LRRN2: variants seen among roughly 807,000 people sequenced by gnomAD.
LRRN2 encodes the protein leucine-rich repeat neuronal protein 2.
LRRN2 carries 10 observed loss-of-function variants against 35.7 expected under a neutral mutation model. The observed-to-expected ratio is 0.28, with a 90% CI of 0.17 to 0.47. The LOEUF (loss-of-function observed/expected upper bound fraction) is 0.47. LRRN2 is among the 20% of genes least tolerant of loss of function. The pLI, the probability that LRRN2 is intolerant of heterozygous loss-of-function variation, is 0.99. For missense variants in LRRN2, 731 were observed against 940.3 expected (o/e 0.78, Z 2.91); for synonymous variants, 391 against 409.6 (o/e 0.95, Z 0.55).
intron 1 of LRRN2, chr1:204,626,859 G>A (rs925333447): frequency 1.3e-5 from 2 of 152,150 alleles, no homozygotes; most frequent in African/African-American, 4.8e-5. Flanking sequence ...ATTGTATGCG[G>A]CCAGACTAAG....
chr1:204,653,333 C>T (rs1668274355), intron 1 of LRRN2, among the ~76,000 whole-genome samples: 4 of 152,280 alleles, frequency 2.6e-5, no homozygotes, highest in South Asian at 4.1e-4. Flanking sequence ...GTTGGGAAAC[C>T]GTGAAGGAAG....
rs190984634 is a variant in LRRN2, at chr1:204,628,709, T to G, written c.-226-8491A>C. On this transcript the variant is annotated intron_variant, in intron 1 of 1. Transcript: ENST00000367177. ...GAGCTGCCCTGTCCGATGTCAACTA[T>G]AAGCACTCCCTGCAGTCTCCAACCG... The G allele has an allele frequency of 3.3e-5, 5 of 152,326 alleles. No homozygotes were observed. The East Asian group carries it at 7.7e-4, about 24-fold the overall frequency. 9.4% of individuals were successfully genotyped at this position (152,326 alleles called of 1,614,324 possible).
At chr1:204,652,326 C>T (rs1471695866) in intron 1 of LRRN2, among the ~76,000 whole-genome samples, 1 of 143,788 alleles carries the variant, frequency 7.0e-6, no homozygotes, top group Non-Finnish European at 1.5e-5. Context: ...GGCGCCTTGA[C>T]ATTAACCCAC....
chr1:204,660,579 ACTCT>A (rs112179063), intron 1 of LRRN2, among the ~76,000 whole-genome samples: 4,364 of 95,112 alleles, frequency 0.046, 64 homozygotes, highest in Non-Finnish European at 0.069. Flanking sequence ...ACACACACAC[ACTCT>A]CTCTCTCTCT....
chr1:204,635,858 G>GTT (rs1667820736), intron 1 of LRRN2, among the ~76,000 whole-genome samples: 1 of 152,218 alleles, frequency 6.6e-6, no homozygotes. Context: ...TTCCTGCCGT[G>GTT]TAACAACCAA....
At chr1:204,657,194 A>G (rs1482457860) in intron 1 of LRRN2, among the ~76,000 whole-genome samples, 1 of 152,086 alleles carries the variant, frequency 6.6e-6, no homozygotes, top group Non-Finnish European at 1.5e-5. Context: ...AATCCCAGCT[A>G]CTTGGGAGGC....
intron 1 of LRRN2, among the ~76,000 whole-genome samples, chr1:204,668,519 C>T (rs1354858432): frequency 6.6e-6 from 1 of 152,070 alleles, no homozygotes; most frequent in Non-Finnish European, 1.5e-5. Context: ...CACTTGAACC[C>T]GGGAGGCAGA....
chr1:204,631,488 A>T (rs952965089), intron 1 of LRRN2, among the ~76,000 whole-genome samples: 2 of 150,392 alleles, frequency 1.3e-5, no homozygotes, highest in Non-Finnish European at 3.0e-5. Context: ...GGGGATTCAC[A>T]GGTTAAAAAG....
intron 1 of LRRN2, among the ~76,000 whole-genome samples, chr1:204,679,758 G>A (rs536203990): frequency 6.6e-6 from 1 of 152,348 alleles, no homozygotes; most frequent in Non-Finnish European, 1.5e-5. Context: ...GTGTCCATGG[G>A]CACTGACTCT....
At chr1:204,652,257 A>ACCCCCCCCCCC (rs1668245006) in intron 1 of LRRN2, among the ~76,000 whole-genome samples, 2 of 10,876 alleles carry the variant, frequency 1.8e-4, no homozygotes, top group Non-Finnish European at 1.9e-4. Context: ...TCTCCTCTTC[A>ACCCCCCCCCCC]CCGCCCCCCC....
In LRRN2 at chr1:204,617,220, A is replaced by AT. The variant is rs1391329435; in HGVS notation, c.*630dup. ...CGTATTATTGTTATTATTTATTTTTATTTTTTACAAAACAGGAGAAAAGAG... is the reference window on the plus strand; with the variant it reads ...CGTATTATTGTTATTATTTATTTTTATTTTTTTACAAAACAGGAGAAAAGAG... On this transcript the variant is annotated 3_prime_UTR_variant, in exon 2 of 2. Coordinates refer to ENST00000367177, the MANE Select transcript of LRRN2 (RefSeq NM_201630.2). 6.6e-6 allele frequency: 1 copy of AT among 152,362 alleles called. No individual in the cohort carries two copies. Among genetic ancestry groups the AT allele is most frequent in the African/African-American group, 2.4e-5 (1 of 41,364 alleles). 9.4% of individuals were successfully genotyped at this position (152,362 alleles called of 1,614,324 possible). A position where few individuals can be genotyped will look rare whatever the true frequency, so the allele number is the denominator to read the frequency against.
chr1:204,638,317 G>A (rs1037268638), intron 1 of LRRN2, among the ~76,000 whole-genome samples: 5 of 150,888 alleles, frequency 3.3e-5, no homozygotes, highest in African/African-American at 4.9e-5. Flanking sequence ...CCCCCGCACC[G>A]TTGGAGTCAG....
intron 1 of LRRN2, among the ~76,000 whole-genome samples, chr1:204,658,748 A>G (rs1454898988): frequency 6.6e-6 from 1 of 152,060 alleles, no homozygotes; most frequent in Admixed American, 6.5e-5. Flanking sequence ...TTCTTTCTCT[A>G]TCAAGCCAAG....
chr1:204,625,709 G>A (rs1667293920), intron 1 of LRRN2, among the ~76,000 whole-genome samples: 1 of 152,148 alleles, frequency 6.6e-6, no homozygotes, highest in Non-Finnish European at 1.5e-5. Flanking sequence ...CCTTTTCCAT[G>A]ACAAGTTGGG....
chr1:204,641,345 G>T (rs995007709), intron 1 of LRRN2, among the ~76,000 whole-genome samples: 9 of 152,142 alleles, frequency 5.9e-5, no homozygotes, highest in African/African-American at 2.2e-4. Flanking sequence ...ACTATGGCAT[G>T]CGGATTCCCA....
At chr1:204,635,088 C>T (rs1328394143) in intron 1 of LRRN2, among the ~76,000 whole-genome samples, 1 of 152,188 alleles carries the variant, frequency 6.6e-6, no homozygotes, top group Non-Finnish European at 1.5e-5. Flanking sequence ...TTCCTGCCTA[C>T]TCACAGGACC....
chr1:204,661,289 C>T (rs539261425), intron 1 of LRRN2, among the ~76,000 whole-genome samples: 1 of 152,062 alleles, frequency 6.6e-6, no homozygotes, highest in Non-Finnish European at 1.5e-5. Context: ...TGTAAGAGAG[C>T]CTTTTAGGGG....
chr1:204,679,786 G>A (rs1315630280), intron 1 of LRRN2, among the ~76,000 whole-genome samples: 2 of 152,208 alleles, frequency 1.3e-5, no homozygotes, highest in African/African-American at 2.4e-5. Flanking sequence ...CAGCTTCTCT[G>A]AGGATAGTGG....
At chr1:204,620,761 G>A (rs1666834649) in intron 1 of LRRN2, 1 of 167,178 alleles carries the variant, frequency 6.0e-6, no homozygotes. Flanking sequence ...TGTTTGGGAG[G>A]GAAGGAGAGT....
Sources: allele counts gnomAD v4.1 joint callset (sites outside exome capture counted in the v4.1 genomes callset), GRCh38; gene constraint gnomAD v4.1.1; transcripts MANE v1.5; gene names NCBI Gene and HGNC (gene_info 2026-07-23, HGNC 2026-07-21).